Variants in CYP7B1 observed in about 807,000 individuals in gnomAD.
The protein encoded by CYP7B1 is cytochrome P450 family 7 subfamily B member 1.
Under a neutral mutation model 42.7 loss-of-function variants are expected in CYP7B1, and 29 were observed. That is an observed-to-expected ratio of 0.68 (90% CI 0.51 to 0.93). The LOEUF is 0.93. Among genes scored for constraint, CYP7B1 ranks in the 40% least tolerant of loss-of-function variants. The probability of loss-of-function intolerance (pLI) is 0.00; values close to 1 mark genes in which losing one functional copy is unlikely to be tolerated. For synonymous variants in CYP7B1, 235 were observed against 218.2 expected (o/e 1.08, Z -0.68); for missense variants, 655 against 600.5 (o/e 1.09, Z -0.95).
At chr8:64,601,093 C>T in intron 5 of CYP7B1, among the ~76,000 whole-genome samples, 1 of 152,160 alleles carries the variant, frequency 6.6e-6, no homozygotes, top group East Asian at 1.9e-4. Context: ...TCTGCCATGT[C>T]ATTCTAAGAA....
rs190521002 is a variant in CYP7B1 at position 64,721,609 on chromosome 8, G to A, written c.122+76857C>T. Among the ~76,000 whole-genome samples the A allele has an allele frequency of 1.9e-3, 286 of 152,180 alleles. 1 individual carries two copies. The highest frequency in any genetic ancestry group is 2.4e-3 in the African/African-American group (99 of 41,542). On this transcript the variant is annotated intron_variant, in intron 1 of 5. Coordinates refer to ENST00000310193, the MANE Select transcript of CYP7B1 (RefSeq NM_004820.5). ...ACAGTATTAGCGATAGGACTTTTTCGCAACAGCAAGCTCTCCTCTTGAAAT... is the reference window on the plus strand; with the variant it reads ...ACAGTATTAGCGATAGGACTTTTTCACAACAGCAAGCTCTCCTCTTGAAAT...
chr8:64,657,855 C>T (rs1282262005), intron 1 of CYP7B1, among the ~76,000 whole-genome samples: 1 of 152,180 alleles, frequency 6.6e-6, no homozygotes, highest in African/African-American at 2.4e-5. Flanking sequence ...AGTGATCTGT[C>T]TTAGTCCATT....
rs1171160088 is a variant in CYP7B1, at chr8:64,610,579, G to T, written c.1057+4447C>A. ...CGTTCATAAGGGAAACTGTGTGGGG[G>T]ATATATAGGAATGCTCTCTATTATC... On this transcript the variant is annotated intron_variant, in intron 4 of 5. Transcript: ENST00000310193. 2.0e-5 allele frequency among the ~76,000 whole-genome samples: 3 copies of T among 152,036 alleles called. No individual in the cohort carries two copies. The East Asian group carries it at 5.8e-4, about 29-fold the overall frequency.
intron 4 of CYP7B1, among the ~76,000 whole-genome samples, chr8:64,611,224 C>T (rs917855497): frequency 6.6e-6 from 1 of 152,026 alleles, no homozygotes; most frequent in African/African-American, 2.4e-5. Context: ...AAAGCATGGG[C>T]GTGGTCAGAA....
chr8:64,640,307 A>T (rs569202850), intron 1 of CYP7B1, among the ~76,000 whole-genome samples: 58 of 152,196 alleles, frequency 3.8e-4, no homozygotes, highest in East Asian at 3.3e-3. Context: ...ATCTCAACAA[A>T]CCTCATGAAA....
intron 1 of CYP7B1, among the ~76,000 whole-genome samples, chr8:64,647,484 T>A (rs1228490881): frequency 2.0e-5 from 3 of 152,156 alleles, no homozygotes; most frequent in Non-Finnish European, 4.4e-5. Flanking sequence ...TATGTCTGTA[T>A]ATATTTATTT....
At chr8:64,741,407 C>A (rs992441383) in intron 1 of CYP7B1, among the ~76,000 whole-genome samples, 3 of 152,180 alleles carry the variant, frequency 2.0e-5, no homozygotes, top group African/African-American at 4.8e-5. Flanking sequence ...GCAACCTTCA[C>A]CTCCCGAATT....
At chr8:64,782,434 T>A (rs56136042) in intron 1 of CYP7B1, among the ~76,000 whole-genome samples, 1 of 152,012 alleles carries the variant, frequency 6.6e-6, no homozygotes. Flanking sequence ...CTATGAGGAA[T>A]GGGCCTTCAT....
Position 64,691,492 on chromosome 8 carries a change from G to GGA in CYP7B1, c.123-66954_123-66953insTC, listed in dbSNP as rs902197174. 4.7e-5 allele frequency among the ~76,000 whole-genome samples: 7 copies of GGA among 147,532 alleles called. 2 individuals carry two copies. Among genetic ancestry groups the GGA allele is most frequent in the Non-Finnish European group, 9.0e-5 (6 of 66,436 alleles). On this transcript the variant is annotated intron_variant, in intron 1 of 5. Transcript: ENST00000310193. ...GGTTGCGATGGCAACTGGGGGGGGG[G>GGA]GGTGGTGGTTAAAGCTGGAATGTGG...
chr8:64,761,346 C>T (rs925866793), intron 1 of CYP7B1, among the ~76,000 whole-genome samples: 6 of 151,980 alleles, frequency 3.9e-5, no homozygotes, highest in African/African-American at 1.2e-4. Context: ...GCTCTCACTG[C>T]AAAAAATTGT....
rs1806252535 is a variant in CYP7B1 at position 64,664,904 on chromosome 8, C to T, written c.123-40365G>A. Among the ~76,000 whole-genome samples the T allele has an allele frequency of 2.0e-5, 3 of 152,148 alleles. No individual in the cohort carries two copies. In the South Asian group the frequency reaches 6.2e-4, roughly 32 times the overall value. On this transcript the variant is annotated intron_variant, in intron 1 of 5. Coordinates refer to ENST00000310193, the MANE Select transcript of CYP7B1 (RefSeq NM_004820.5). ...ATTAGTTTGTCCAAAAGAACCCAAG[C>T]CAACTACAATTTGGCTTGGTTATGC...
intron 1 of CYP7B1, among the ~76,000 whole-genome samples, chr8:64,796,890 A>AT (rs138937128): frequency 0.022 from 3,405 of 152,308 alleles, 128 homozygotes; most frequent in African/African-American, 0.076. Flanking sequence ...CTTAGAGGTG[A>AT]TATCTGAAAA....
chr8:64,724,611 G>C (rs112414802), intron 1 of CYP7B1, among the ~76,000 whole-genome samples: 85 of 152,318 alleles, frequency 5.6e-4, no homozygotes, highest in African/African-American at 2.0e-3. Flanking sequence ...CTGGCTGGAA[G>C]CTTTTCAGGT....
At chr8:64,659,685 G>A (rs1371739860) in intron 1 of CYP7B1, among the ~76,000 whole-genome samples, 1 of 152,126 alleles carries the variant, frequency 6.6e-6, no homozygotes, top group Non-Finnish European at 1.5e-5. Context: ...CATACTCAAA[G>A]CAAAGTTCTT....
chr8:64,754,284 A>C (rs1277433560), intron 1 of CYP7B1, among the ~76,000 whole-genome samples: 1 of 152,284 alleles, frequency 6.6e-6, no homozygotes, highest in Non-Finnish European at 1.5e-5. Flanking sequence ...AGCCCTGCCC[A>C]AAAAATGCAG....
intron 4 of CYP7B1, among the ~76,000 whole-genome samples, chr8:64,608,489 TG>T (rs968407109): frequency 4.6e-5 from 7 of 152,240 alleles, no homozygotes; most frequent in African/African-American, 1.7e-4. Context: ...GCATGCCATT[TG>T]ATTAGCCATG....
intron 1 of CYP7B1, among the ~76,000 whole-genome samples, chr8:64,767,676 T>C (rs1156480959): frequency 6.6e-6 from 1 of 152,236 alleles, no homozygotes; most frequent in African/African-American, 2.4e-5. Context: ...ATCAAGCAGA[T>C]AGTCAGGGCC....
chr8:64,676,488 C>A (rs937194432), intron 1 of CYP7B1, among the ~76,000 whole-genome samples: 17 of 151,982 alleles, frequency 1.1e-4, no homozygotes, highest in Non-Finnish European at 2.4e-4. Flanking sequence ...TCTGAAGAAC[C>A]CCTTCGGATA....
At chr8:64,720,245 C>T (rs1486160112) in intron 1 of CYP7B1, among the ~76,000 whole-genome samples, 1 of 151,996 alleles carries the variant, frequency 6.6e-6, no homozygotes, top group Non-Finnish European at 1.5e-5. Flanking sequence ...AAGACGATGT[C>T]GAAGATGGTT....
Sources: gnomAD v4.1 joint callset for allele counts (sites outside exome capture counted in the v4.1 genomes callset) on GRCh38, gnomAD v4.1.1 for gene constraint, MANE v1.5 for transcripts, NCBI Gene and HGNC (gene_info 2026-07-23, HGNC 2026-07-21) for gene names.